AUTS2: variants seen among roughly 807,000 people sequenced by gnomAD.
AUTS2 encodes the protein activator of transcription and developmental regulator AUTS2.
A neutral mutation model predicts 112.4 loss-of-function variants in AUTS2; 17 were observed. The observed-to-expected ratio is 0.15, with a 90% CI of 0.10 to 0.23. The LOEUF (loss-of-function observed/expected upper bound fraction) is 0.23. AUTS2 is among the 10% of genes least tolerant of loss of function. The pLI is 1.00. For missense variants in AUTS2, 1,510 were observed against 1,701.6 expected, an observed-to-expected ratio of 0.89 and a Z score of 1.98; for synonymous variants, 751 against 702.7, an observed-to-expected ratio of 1.07 and a Z score of -1.09.
At chr7:70,131,084 T>C (rs1428510554) in intron 3 of AUTS2, among the ~76,000 whole-genome samples, 1 of 152,108 alleles carries the variant, frequency 6.6e-6, no homozygotes, top group East Asian at 1.9e-4. Context: ...GTGGCCTCTT[T>C]TGCTATATAG....
chr7:69,713,052 A>G (rs1798407100), intron 1 of AUTS2, among the ~76,000 whole-genome samples: 1 of 152,180 alleles, frequency 6.6e-6, no homozygotes, highest in Admixed American at 6.5e-5. Context: ...TTGCCCATGA[A>G]AAAAACCTTA....
chr7:70,283,667 T>C (rs943082543), intron 4 of AUTS2, among the ~76,000 whole-genome samples: 1 of 152,202 alleles, frequency 6.6e-6, no homozygotes, highest in African/African-American at 2.4e-5. Flanking sequence ...GTTTTACTTA[T>C]TTTTTAAAGT....
intron 6 of AUTS2, among the ~76,000 whole-genome samples, chr7:70,716,055 T>G (rs112594917): frequency 1.2e-3 from 188 of 152,394 alleles, no homozygotes; most frequent in African/African-American, 4.5e-3. Flanking sequence ...TTTGGTCTGA[T>G]CAACCCATTT....
chr7:70,153,739 C>G (rs963341802), intron 4 of AUTS2, among the ~76,000 whole-genome samples: 1 of 152,138 alleles, frequency 6.6e-6, no homozygotes, highest in African/African-American at 2.4e-5. Context: ...CAGCTACACA[C>G]AAAACTTACT....
At chr7:69,836,755 C>T (rs1159363677) in intron 1 of AUTS2, among the ~76,000 whole-genome samples, 6 of 152,082 alleles carry the variant, frequency 3.9e-5, no homozygotes, top group Admixed American at 2.6e-4. Context: ...CATATTTGCA[C>T]GCCTAAAAAA....
At chr7:70,600,571 C>T (rs1208491346) in intron 5 of AUTS2, among the ~76,000 whole-genome samples, 5 of 152,184 alleles carry the variant, frequency 3.3e-5, no homozygotes, top group African/African-American at 4.8e-5. Flanking sequence ...CCACCGCGCC[C>T]GGCCCAATTC....
intron 2 of AUTS2, among the ~76,000 whole-genome samples, chr7:69,975,787 A>G (rs1391028254): frequency 6.6e-6 from 1 of 151,680 alleles, no homozygotes; most frequent in Non-Finnish European, 1.5e-5. Context: ...TCCTGGGTTC[A>G]AGCAATTCTC....
intron 2 of AUTS2, among the ~76,000 whole-genome samples, chr7:70,061,975 A>G (rs577913927): frequency 6.6e-5 from 10 of 151,432 alleles, no homozygotes; most frequent in African/African-American, 2.4e-4. Flanking sequence ...TTTAGTAGAG[A>G]TGGGATTTTG....
Position 69,709,763 on chromosome 7 carries a change from A to G in AUTS2, c.309+109801A>G, listed in dbSNP as rs150412391. On this transcript the variant is annotated intron_variant, in intron 1 of 18. Coordinates refer to ENST00000342771, the MANE Select transcript of AUTS2 (RefSeq NM_015570.4). ...AAAATAAACCGGAACTGTAACCTTT[A>G]TTATGGGAGGAGTGTGGAGGAGTTA... 5.0e-3 allele frequency among the ~76,000 whole-genome samples: 763 copies of G among 152,276 alleles called. 5 individuals are homozygous for G. The highest frequency in any genetic ancestry group is 0.01 in the Middle Eastern group (3 of 294).
intron 5 of AUTS2, among the ~76,000 whole-genome samples, chr7:70,695,722 C>T (rs1041843102): frequency 3.3e-4 from 50 of 149,446 alleles, no homozygotes; most frequent in Non-Finnish European, 6.4e-4. Context: ...GTTTCACTTA[C>T]TTAACTTTCC....
intron 1 of AUTS2, among the ~76,000 whole-genome samples, chr7:69,827,950 C>G (rs1044063941): frequency 3.3e-5 from 5 of 152,180 alleles, no homozygotes; most frequent in Admixed American, 1.3e-4. Context: ...TGCAGTAATT[C>G]TTTTGTAGAA....
intron 4 of AUTS2, among the ~76,000 whole-genome samples, chr7:70,177,047 A>G (rs1723757955): frequency 6.6e-6 from 1 of 152,210 alleles, no homozygotes; most frequent in South Asian, 2.1e-4. Context: ...AGACAACTTC[A>G]CAGGAGACAT....
At chr7:69,802,368 T>A (rs1273673351) in intron 1 of AUTS2, among the ~76,000 whole-genome samples, 1 of 152,174 alleles carries the variant, frequency 6.6e-6, no homozygotes, top group Non-Finnish European at 1.5e-5. Flanking sequence ...CAGGGCACAG[T>A]GTATTTCTCA....
intron 1 of AUTS2, among the ~76,000 whole-genome samples, chr7:69,762,148 G>A (rs1788212052): frequency 6.6e-6 from 1 of 152,126 alleles, no homozygotes; most frequent in Admixed American, 6.6e-5. Flanking sequence ...TGGGATTCAA[G>A]TTGTAGTTCC....
chr7:70,130,717 A>C (rs377213303), intron 3 of AUTS2, among the ~76,000 whole-genome samples: 39 of 152,234 alleles, frequency 2.6e-4, no homozygotes, highest in African/African-American at 8.2e-4. Context: ...TGAAAAGACC[A>C]TGTTAACCAG....
intron 4 of AUTS2, among the ~76,000 whole-genome samples, chr7:70,374,495 T>C (rs1416887438): frequency 6.6e-6 from 1 of 152,214 alleles, no homozygotes; most frequent in Non-Finnish European, 1.5e-5. Context: ...AGGGATGTCT[T>C]GCTGTTAAAC....
At chr7:70,680,967 G>T (rs887175155) in intron 5 of AUTS2, among the ~76,000 whole-genome samples, 1 of 152,330 alleles carries the variant, frequency 6.6e-6, no homozygotes, top group East Asian at 1.9e-4. Flanking sequence ...AAGATTCTGT[G>T]TAAATACCAG....
intron 2 of AUTS2, among the ~76,000 whole-genome samples, chr7:70,041,430 C>T (rs887024257): frequency 1.3e-5 from 2 of 152,042 alleles, no homozygotes; most frequent in Non-Finnish European, 2.9e-5. Flanking sequence ...AATTTCTCTC[C>T]CTCTCTGTAC....
intron 4 of AUTS2, among the ~76,000 whole-genome samples, chr7:70,426,941 T>C (rs965771226): frequency 6.7e-6 from 1 of 149,722 alleles, no homozygotes. Context: ...TTTTATTAGC[T>C]TACACAGGAC....
Sources: gnomAD v4.1 joint callset for allele counts (sites outside exome capture counted in the v4.1 genomes callset) on GRCh38, gnomAD v4.1.1 for gene constraint, MANE v1.5 for transcripts, NCBI Gene and HGNC (gene_info 2026-07-23, HGNC 2026-07-21) for gene names.